The following DACH2 variants were observed in gnomAD, a reference collection of about 807,000 sequenced individuals.
DACH2 encodes the protein dachshund homolog 2.
A neutral mutation model predicts 35.8 loss-of-function variants in DACH2; 17 were observed. The ratio of observed to expected loss-of-function variants is 0.48; its 90% CI spans 0.33 to 0.71. DACH2 has a LOEUF of 0.71. DACH2 is among the 30% of genes least tolerant of loss of function. The pLI, the probability that DACH2 is intolerant of heterozygous loss-of-function variation, is 0.02. For synonymous variants in DACH2, 195 were observed against 177.3 expected, an observed-to-expected ratio of 1.10 and a Z score of -0.79; for missense variants, 469 against 472.7, an observed-to-expected ratio of 0.99 and a Z score of 0.07.
At chrX:86,408,495 C>T (rs1054636515) in intron 2 of DACH2, among the ~76,000 whole-genome samples, 10 of 111,810 alleles carry the variant, frequency 8.9e-5, no homozygotes, top group Admixed American at 1.9e-4. Context: ...ACTGTTGTTT[C>T]TCTTACGAGT....
At chrX:86,380,205 A>T (rs1250700595) in intron 2 of DACH2, among the ~76,000 whole-genome samples, 1 of 110,468 alleles carries the variant, frequency 9.1e-6, no homozygotes, top group Admixed American at 9.7e-5. Flanking sequence ...ACTCTATAAG[A>T]TAGGTGCTGC....
At chrX:86,435,810 G>A (rs1201873052) in intron 2 of DACH2, among the ~76,000 whole-genome samples, 1 of 111,678 alleles carries the variant, frequency 9.0e-6, no homozygotes, top group East Asian at 2.8e-4. Context: ...TCATTTGTAA[G>A]GCAATCCGTC....
intron 2 of DACH2, among the ~76,000 whole-genome samples, chrX:86,402,169 C>T (rs963648874): frequency 1.7e-4 from 19 of 111,407 alleles, no homozygotes; most frequent in African/African-American, 3.9e-4. Context: ...AACATAGTGG[C>T]GGAGGTTTTA....
At chrX:86,305,518 G>C (rs1458077880) in intron 1 of DACH2, among the ~76,000 whole-genome samples, 1 of 111,145 alleles carries the variant, frequency 9.0e-6, no homozygotes, top group Non-Finnish European at 1.9e-5. Context: ...TATTGTTCAG[G>C]GCAAGGATTT....
At chrX:86,171,354 G>A (rs1221096650) in intron 1 of DACH2, among the ~76,000 whole-genome samples, 1 of 111,162 alleles carries the variant, frequency 9.0e-6, no homozygotes, top group Admixed American at 9.5e-5. Flanking sequence ...AGTGTGTCAT[G>A]CCCATGCCTT....
At chrX:86,457,310 C>T (rs1355579922) in intron 2 of DACH2, among the ~76,000 whole-genome samples, 1 of 111,834 alleles carries the variant, frequency 8.9e-6, no homozygotes, top group African/African-American at 3.2e-5. Context: ...GTTACATAAC[C>T]TATTACCTCA....
intron 3 of DACH2, among the ~76,000 whole-genome samples, chrX:86,556,785 TATATATATATAGAGAGAGAG>T (rs1305297238): frequency 3.2e-4 from 15 of 47,211 alleles, no homozygotes; most frequent in African/African-American, 1.3e-3. Context: ...TATATATATA[TATATATATATAGAGAGAGAG>T]AGAGAGAGAG....
chrX:86,401,271 A>G lies in DACH2; in HGVS notation c.527+24409A>G, dbSNP rs189266503. Among the ~76,000 whole-genome samples the G allele has an allele frequency of 5.7e-3, 639 of 112,284 alleles. 5 individuals are homozygous for G. The highest frequency in any genetic ancestry group is 0.018 in the African/African-American group (571 of 30,937). On this transcript the variant is annotated intron_variant, in intron 2 of 11. Transcript: ENST00000373125. ...GGAGTGACCCGATTTTCCAGGTGCC[A>G]TCTGTCACCCCTTTCTTTGACTAGG...
chrX:86,475,996 G>A (rs1434201157), intron 2 of DACH2, among the ~76,000 whole-genome samples: 1 of 112,151 alleles, frequency 8.9e-6, no homozygotes, highest in Non-Finnish European at 1.9e-5. Flanking sequence ...TTGTGTATGT[G>A]GAACCATTGT....
intron 1 of DACH2, among the ~76,000 whole-genome samples, chrX:86,355,902 T>G (rs1297368901): frequency 4.5e-5 from 5 of 111,544 alleles, no homozygotes; most frequent in Non-Finnish European, 5.6e-5. Flanking sequence ...CTTATTTAAT[T>G]GTTTAAGTTC....
chrX:86,797,630 A>G (rs1463768261), intron 7 of DACH2, among the ~76,000 whole-genome samples: 1 of 111,902 alleles, frequency 8.9e-6, no homozygotes, highest in Non-Finnish European at 1.9e-5. Context: ...AAAAATTAAG[A>G]TAGATTTTTC....
At chrX:86,631,749 G>A (rs758383387) in intron 3 of DACH2, among the ~76,000 whole-genome samples, 1 of 111,616 alleles carries the variant, frequency 9.0e-6, no homozygotes, top group East Asian at 2.8e-4. Flanking sequence ...ATGATGGGAA[G>A]GACATAGTTC....
At chrX:86,779,127 C>A (rs1753577219) in intron 7 of DACH2, among the ~76,000 whole-genome samples, 1 of 111,275 alleles carries the variant, frequency 9.0e-6, no homozygotes, top group Non-Finnish European at 1.9e-5. Flanking sequence ...TGTCTATTAC[C>A]TATTTATTTA....
chrX:86,656,537 A>T (rs1019723256), intron 4 of DACH2, among the ~76,000 whole-genome samples: 3 of 109,961 alleles, frequency 2.7e-5, no homozygotes, highest in Non-Finnish European at 3.8e-5. Context: ...TAATTTCTTT[A>T]CTTTATATTG....
intron 2 of DACH2, among the ~76,000 whole-genome samples, chrX:86,397,229 C>A (rs937622503): frequency 9.0e-6 from 1 of 111,302 alleles, no homozygotes; most frequent in African/African-American, 3.3e-5. Context: ...GTGATTTTTG[C>A]ACATTGATTT....
At chrX:86,553,006 G>A (rs2039070906) in intron 3 of DACH2, among the ~76,000 whole-genome samples, 1 of 111,037 alleles carries the variant, frequency 9.0e-6, no homozygotes, top group African/African-American at 3.3e-5. Flanking sequence ...GTTCCCTAGA[G>A]GGGCAGAACT....
chrX:86,381,454 C>G (rs1413084101), intron 2 of DACH2, among the ~76,000 whole-genome samples: 1 of 110,377 alleles, frequency 9.1e-6, no homozygotes, highest in Admixed American at 9.7e-5. Context: ...AAAGTATCGT[C>G]TAAGTTACAA....
At chrX:86,286,398 G>T (rs1243464617) in intron 1 of DACH2, among the ~76,000 whole-genome samples, 1 of 110,877 alleles carries the variant, frequency 9.0e-6, no homozygotes, top group Non-Finnish European at 1.9e-5. Context: ...CCAAAGTGCT[G>T]GGATTACAGG....
At chrX:86,703,745 T>A in intron 5 of DACH2, among the ~76,000 whole-genome samples, 1 of 111,005 alleles carries the variant, frequency 9.0e-6, no homozygotes, top group Non-Finnish European at 1.9e-5. Flanking sequence ...TAGGAATACA[T>A]CTAACCAATG....
Sources: gnomAD v4.1 joint callset for allele counts (sites outside exome capture counted in the v4.1 genomes callset) on GRCh38, gnomAD v4.1.1 for gene constraint, MANE v1.5 for transcripts, NCBI Gene and HGNC (gene_info 2026-07-23, HGNC 2026-07-21) for gene names.